MAPRE2: variants seen among roughly 807,000 people sequenced by gnomAD.
MAPRE2 encodes microtubule-associated protein RP/EB family member 2.
In MAPRE2, 13 loss-of-function variants were observed where a neutral mutation model predicts 43.2. The observed-to-expected ratio is 0.30, with a 90% CI of 0.20 to 0.48. MAPRE2 has a LOEUF of 0.48. Ranked by LOEUF, MAPRE2 falls within the 20% of genes least tolerant of loss-of-function variation. The pLI is 0.99. For missense variants in MAPRE2, 161 were observed against 400.2 expected, an observed-to-expected ratio of 0.40 and a Z score of 5.10; for synonymous variants, 135 against 148.8, an observed-to-expected ratio of 0.91 and a Z score of 0.68.
chr18:35,112,242 G>A (rs1909209813), intron 4 of MAPRE2, among the ~76,000 whole-genome samples: 1 of 150,104 alleles, frequency 6.7e-6, no homozygotes, highest in Non-Finnish European at 1.5e-5. Flanking sequence ...GGAGTGCAAT[G>A]GTGCAACCTC....
In MAPRE2 at chr18:35,062,159, T is replaced by TG. The variant is rs112343833; in HGVS notation, c.123-8030dup. Among the ~76,000 whole-genome samples the TG allele has an allele frequency of 4.9e-3, 744 of 152,212 alleles. 8 individuals are homozygous for TG. The highest frequency in any genetic ancestry group is 0.017 in the African/African-American group (726 of 41,534). On this transcript the variant is annotated intron_variant, in intron 1 of 6. Coordinates refer to ENST00000300249, the MANE Select transcript of MAPRE2 (RefSeq NM_014268.4). ...AAGGCTTTTCAGAGGAAAAGACGTT[T>TG]GGGGGGATGTCTGTGATGGGACTGA...
Position 35,101,929 on chromosome 18 carries a change from G to T in MAPRE2, c.397-17G>T, listed in dbSNP as rs1316694020. On this transcript the variant is annotated splice_polypyrimidine_tract_variant and intron_variant, in intron 3 of 6. Transcript: ENST00000300249. ...AAACGTGAGGTTTGTAACTCACATAGTGATTTTTTATTGCAGGTAATTCCA... is the reference window on the plus strand; with the variant it reads ...AAACGTGAGGTTTGTAACTCACATATTGATTTTTTATTGCAGGTAATTCCA... 1.3e-6 allele frequency: 2 copies of T among 1,572,740 alleles called. No individual in the cohort carries two copies. The highest frequency in any genetic ancestry group is 1.7e-6 in the Non-Finnish European group (2 of 1,157,380).
chr18:35,063,834 C>CA lies in MAPRE2; in HGVS notation c.123-6354dup, dbSNP rs201358942. Among the ~76,000 whole-genome samples, 5 of 151,352 alleles carry CA rather than the reference C, an allele frequency of 3.3e-5. No homozygotes were observed. The East Asian group carries it at 9.8e-4, about 30-fold the overall frequency. ...CAACATAGTGAGACCCCTGTCTCTA[C>CA]AAAAAAATGAAAAGTAAGCTGGGAG... is the stretch of plus-strand genomic sequence containing the variant. On this transcript the variant is annotated intron_variant, in intron 1 of 6. Transcript: ENST00000300249.
intron 2 of MAPRE2, among the ~76,000 whole-genome samples, chr18:35,009,199 G>A (rs1568970318): frequency 6.6e-6 from 1 of 152,064 alleles, no homozygotes; most frequent in Non-Finnish European, 1.5e-5. Flanking sequence ...TTTGGGGAGG[G>A]GGAGGTAGAG....
Position 35,001,221 on chromosome 18 carries a change from G to A in MAPRE2, c.-69-4271G>A, listed in dbSNP as rs182843342. Among the ~76,000 whole-genome samples the A allele has an allele frequency of 9.2e-5, 14 of 152,272 alleles. No individual in the cohort carries two copies. The East Asian group carries it at 2.7e-3, about 29-fold the overall frequency. On this transcript the variant is annotated intron_variant, in intron 1 of 7. Coordinates refer to the MAPRE2 transcript ENST00000413393. Reference sequence around the variant, plus strand: ...TATGAGAGATAAGTTAAAAAATACAGGATATATCAGCTGGGTGCCATGGCT... The same window carrying A: ...TATGAGAGATAAGTTAAAAAATACAAGATATATCAGCTGGGTGCCATGGCT...
chr18:35,078,496 C>A (rs568874178), intron 2 of MAPRE2, among the ~76,000 whole-genome samples: 2 of 151,904 alleles, frequency 1.3e-5, no homozygotes, highest in South Asian at 2.1e-4. Flanking sequence ...ATATAACAAC[C>A]CCATGAGGAA....
At chr18:34,985,284 T>C (rs374435164) in intron 1 of MAPRE2, among the ~76,000 whole-genome samples, 1 of 32,494 alleles carries the variant, frequency 3.1e-5, no homozygotes, top group Admixed American at 6.1e-4. Flanking sequence ...TATAATATAT[T>C]ATATATTATA....
intron 2 of MAPRE2, among the ~76,000 whole-genome samples, chr18:35,075,686 A>G (rs1419286110): frequency 1.3e-5 from 2 of 151,848 alleles, no homozygotes; most frequent in African/African-American, 2.4e-5. Context: ...TTCTCTAATT[A>G]TTTGACTCAT....
At chr18:35,017,580 T>G (rs553279352) in intron 2 of MAPRE2, among the ~76,000 whole-genome samples, 1 of 148,180 alleles carries the variant, frequency 6.7e-6, no homozygotes, top group African/African-American at 2.5e-5. Context: ...GTTTTTTTTT[T>G]ACAGCTACTT....
chr18:35,040,720 T>A (rs1450488234), upstream of MAPRE2, among the ~76,000 whole-genome samples: 1 of 152,250 alleles, frequency 6.6e-6, no homozygotes, highest in Non-Finnish European at 1.5e-5. Context: ...TGGAGGGTTT[T>A]GGGTAACTGG....
At chr18:35,060,718 TGTCTTTTTTGTTTAGTTAC>T (rs1906479444) in intron 1 of MAPRE2, among the ~76,000 whole-genome samples, 1 of 152,202 alleles carries the variant, frequency 6.6e-6, no homozygotes, top group Non-Finnish European at 1.5e-5. Flanking sequence ...TTTGAAAGTT[TGTCTTTTTTGTTTAGTTAC>T]GATAGGGTGG....
chr18:35,071,407 C>G (rs778070664), intron 2 of MAPRE2, among the ~76,000 whole-genome samples: 2 of 152,084 alleles, frequency 1.3e-5, no homozygotes, highest in Non-Finnish European at 2.9e-5. Flanking sequence ...AAAAAATATG[C>G]TGCTAGTAAA....
chr18:34,984,104 A>G (rs1046087330), intron 1 of MAPRE2, among the ~76,000 whole-genome samples: 2 of 152,248 alleles, frequency 1.3e-5, no homozygotes, highest in Admixed American at 6.5e-5. Context: ...AGACCAGATT[A>G]TAATCCAGAA....
chr18:35,044,355 C>T (rs1457525528), intron 1 of MAPRE2, among the ~76,000 whole-genome samples: 2 of 152,200 alleles, frequency 1.3e-5, no homozygotes, highest in African/African-American at 4.8e-5. Flanking sequence ...CTCAGCCTCA[C>T]GAGTAGCTGG....
intron 1 of MAPRE2, among the ~76,000 whole-genome samples, chr18:34,981,883 A>ATTAT (rs1555909259): frequency 2.9e-4 from 39 of 134,642 alleles, no homozygotes; most frequent in Non-Finnish European, 5.5e-4. Context: ...TTTTATTTTT[A>ATTAT]TTTATTTTTT....
At chr18:35,080,283 G>A (rs1407241792) in intron 2 of MAPRE2, among the ~76,000 whole-genome samples, 1 of 152,212 alleles carries the variant, frequency 6.6e-6, no homozygotes, top group African/African-American at 2.4e-5. Flanking sequence ...TACCTGCAAT[G>A]TGTCAGGTGG....
At chr18:35,035,709 T>A (rs980117440) in intron 2 of MAPRE2, among the ~76,000 whole-genome samples, 34 of 150,248 alleles carry the variant, frequency 2.3e-4, no homozygotes, top group African/African-American at 8.3e-4. Flanking sequence ...GACCTCTCCC[T>A]CCTTTGTGAG....
rs955359696 is a variant in MAPRE2, at chr18:35,101,547, T to C, written c.397-399T>C. On this transcript the variant is annotated intron_variant, in intron 3 of 6. Transcript: ENST00000300249. ...CAATCACCATCCCCAACTCCCCCTTTCCAGCCACTAGTAACTGTCCTTCTA... is the reference window on the plus strand; with the variant it reads ...CAATCACCATCCCCAACTCCCCCTTCCCAGCCACTAGTAACTGTCCTTCTA... Among the ~76,000 whole-genome samples, 5 of 152,284 alleles carry C rather than the reference T, an allele frequency of 3.3e-5. No homozygotes were observed. The East Asian group carries it at 7.7e-4, about 24-fold the overall frequency.
At chr18:35,057,334 G>T (rs16966361) in intron 1 of MAPRE2, among the ~76,000 whole-genome samples, 2,750 of 152,138 alleles carry the variant, frequency 0.018, 76 homozygotes, top group African/African-American at 0.063. Flanking sequence ...TACCTGATTT[G>T]GTTCAAACAT....
Sources: gnomAD v4.1 joint callset for allele counts (sites outside exome capture counted in the v4.1 genomes callset) on GRCh38, gnomAD v4.1.1 for gene constraint, MANE v1.5 for transcripts, NCBI Gene and HGNC (gene_info 2026-07-23, HGNC 2026-07-21) for gene names.